The following PLXNA4 variants were observed in gnomAD, a reference collection of about 807,000 sequenced individuals.
The protein encoded by PLXNA4 is plexin-A4.
In PLXNA4, 44 loss-of-function variants were observed where a neutral mutation model predicts 191.8. That is an observed-to-expected ratio of 0.23 (90% CI 0.18 to 0.29). The LOEUF is 0.29. Among genes scored for constraint, PLXNA4 ranks in the 10% least tolerant of loss-of-function variants. The probability of loss-of-function intolerance (pLI) is 1.00; values close to 1 mark genes in which losing one functional copy is unlikely to be tolerated. For missense variants in PLXNA4, 1,800 were observed against 2,488.8 expected, an observed-to-expected ratio of 0.72 and a Z score of 5.89; for synonymous variants, 1,082 against 1,009.5, an observed-to-expected ratio of 1.07 and a Z score of -1.36.
rs6968906 is a variant in PLXNA4, at chr7:132,125,652, C to T, written c.*4827G>A. 103,696 of 151,824 alleles carry T rather than the reference C, an allele frequency of 0.68. 36,748 individuals are homozygous for T. Among genetic ancestry groups the T allele is most frequent in the East Asian group, 0.83 (4,262 of 5,142 alleles). 9.4% of individuals were successfully genotyped at this position (151,824 alleles called of 1,614,324 possible). On this transcript the variant is annotated 3_prime_UTR_variant, in exon 32 of 32. Coordinates refer to ENST00000321063, the MANE Select transcript of PLXNA4 (RefSeq NM_020911.2). ...AAAGGAAGAGGCTGAGGGTTCAAGG[C>T]CTCCCAGTCACCTGTCCTGAGAGCT...
rs142699847 is a variant in PLXNA4, at chr7:132,506,499, G to A, written c.1188+1007C>T. Among the ~76,000 whole-genome samples the A allele has an allele frequency of 8.6e-3, 1,315 of 152,258 alleles. 32 individuals are homozygous for A. The highest frequency in any genetic ancestry group is 0.03 in the African/African-American group (1,254 of 41,544). ...AGACTAGGTTCATAATCTTTAAAATGCACAGTTATAAAAGGAAAAGGACAA... is the reference window on the plus strand; with the variant it reads ...AGACTAGGTTCATAATCTTTAAAATACACAGTTATAAAAGGAAAAGGACAA... On this transcript the variant is annotated intron_variant, in intron 2 of 31. Coordinates refer to ENST00000321063, the MANE Select transcript of PLXNA4 (RefSeq NM_020911.2).
At chr7:132,443,501 C>T (rs780684674) in intron 3 of PLXNA4, among the ~76,000 whole-genome samples, 1 of 152,190 alleles carries the variant, frequency 6.6e-6, no homozygotes, top group African/African-American at 2.4e-5. Flanking sequence ...CTGCCCTCTC[C>T]TCCCAGATGT....
At chr7:132,284,004 T>A (rs902273434) in intron 4 of PLXNA4, among the ~76,000 whole-genome samples, 1 of 152,152 alleles carries the variant, frequency 6.6e-6, no homozygotes. Flanking sequence ...AGACCTCATC[T>A]CTACACAAAA....
chr7:132,430,717 C>T (rs535871650), intron 3 of PLXNA4, among the ~76,000 whole-genome samples: 2 of 152,218 alleles, frequency 1.3e-5, no homozygotes, highest in East Asian at 3.9e-4. Flanking sequence ...TTGTTGAGGG[C>T]CAAGAAAGTC....
At chr7:132,490,796 T>A (rs930000306) in intron 2 of PLXNA4, among the ~76,000 whole-genome samples, 1 of 152,308 alleles carries the variant, frequency 6.6e-6, no homozygotes, top group Non-Finnish European at 1.5e-5. Flanking sequence ...TCCTGTGAGA[T>A]ACTGACCCTG....
intron 2 of PLXNA4, among the ~76,000 whole-genome samples, chr7:132,496,884 C>T (rs1394258426): frequency 6.6e-6 from 1 of 152,204 alleles, no homozygotes; most frequent in African/African-American, 2.4e-5. Flanking sequence ...CAACTCTCCC[C>T]TCCCAAGGAG....
At chr7:132,248,121 A>T (rs17166285) in intron 4 of PLXNA4, among the ~76,000 whole-genome samples, 1,613 of 152,290 alleles carry the variant, frequency 0.011, 34 homozygotes, top group African/African-American at 0.036. Context: ...ATGCTTCCGA[A>T]GTGCTTATGT....
At chr7:132,468,082 A>AC (rs1455016863) in intron 3 of PLXNA4, among the ~76,000 whole-genome samples, 2 of 152,074 alleles carry the variant, frequency 1.3e-5, no homozygotes, top group Admixed American at 6.6e-5. Context: ...GTTGGAATAA[A>AC]CCCCCCAGTC....
rs116289989 is a variant in PLXNA4, at chr7:132,532,636, G to A, written c.-86-23857C>T. Among the ~76,000 whole-genome samples the A allele has an allele frequency of 1.6e-3, 240 of 152,016 alleles. 2 individuals are homozygous for A. The highest frequency in any genetic ancestry group is 5.5e-3 in the African/African-American group (229 of 41,468). ...TTCTCCTCTTTCCAAACCATTTGTCGTCTCTGATCATGCTACTCTGCTACT... is the reference window on the plus strand; with the variant it reads ...TTCTCCTCTTTCCAAACCATTTGTCATCTCTGATCATGCTACTCTGCTACT... On this transcript the variant is annotated intron_variant, in intron 1 of 31. Coordinates refer to ENST00000321063, the MANE Select transcript of PLXNA4 (RefSeq NM_020911.2).
intron 4 of PLXNA4, among the ~76,000 whole-genome samples, chr7:132,272,164 C>A (rs2116333773): frequency 6.6e-6 from 1 of 152,300 alleles, no homozygotes; most frequent in Non-Finnish European, 1.5e-5. Flanking sequence ...GGAATCATCG[C>A]AAACATGTTT....
chr7:132,144,950 T>C (rs1334608776), intron 29 of PLXNA4, among the ~76,000 whole-genome samples, 169 bp downstream of exon 29: 1 of 152,180 alleles, frequency 6.6e-6, no homozygotes, highest in East Asian at 1.9e-4. Context: ...CACAAAAATC[T>C]AGGAAGAGTG....
Position 132,510,536 on chromosome 7 carries a change from C to T in PLXNA4, c.-86-1757G>A, listed in dbSNP as rs113255793. Among the ~76,000 whole-genome samples, 258 of 152,308 alleles carry T rather than the reference C, an allele frequency of 1.7e-3. 2 individuals carry two copies. The highest frequency in any genetic ancestry group is 5.6e-3 in the African/African-American group (232 of 41,570). ...TGGGGCCCAAGGAGCAGATCCTCAA[C>T]GAATGCGTAGTCAAATCAGGCCGAT... On this transcript the variant is annotated intron_variant, in intron 1 of 31. Coordinates refer to ENST00000321063, the MANE Select transcript of PLXNA4 (RefSeq NM_020911.2).
intron 14 of PLXNA4, among the ~76,000 whole-genome samples, chr7:132,189,297 A>T (rs1420949661): frequency 6.6e-6 from 1 of 151,904 alleles, no homozygotes; most frequent in Non-Finnish European, 1.5e-5. Flanking sequence ...GAAGCTATTA[A>T]TTATTCAAGC....
intron 2 of PLXNA4, among the ~76,000 whole-genome samples, chr7:132,599,584 T>A (rs1467373463): frequency 6.6e-6 from 1 of 152,214 alleles, no homozygotes. Flanking sequence ...ATCTTTCATT[T>A]ATTCTAGTAG....
chr7:132,349,336 C>A (rs1049573470), intron 3 of PLXNA4, among the ~76,000 whole-genome samples: 1 of 152,036 alleles, frequency 6.6e-6, no homozygotes, highest in African/African-American at 2.4e-5. Flanking sequence ...GAAGAGGGAG[C>A]AACTGGGTCC....
At chr7:132,566,614 G>GA (rs997230290) in intron 1 of PLXNA4, among the ~76,000 whole-genome samples, 7 of 151,310 alleles carry the variant, frequency 4.6e-5, no homozygotes, top group Middle Eastern at 3.4e-3. Flanking sequence ...AGCAGTTGGA[G>GA]AAAAAAAAAT....
intron 3 of PLXNA4, among the ~76,000 whole-genome samples, chr7:132,363,510 G>GT (rs1348844381): frequency 4.6e-5 from 7 of 152,168 alleles, no homozygotes; most frequent in Non-Finnish European, 1.0e-4. Context: ...GTTGTAGCAC[G>GT]TATCGGCATT....
chr7:132,231,702 G>A (rs1347991458), intron 5 of PLXNA4, among the ~76,000 whole-genome samples: 1 of 152,246 alleles, frequency 6.6e-6, no homozygotes, highest in East Asian at 1.9e-4. Flanking sequence ...TGGGATTACA[G>A]GCGTGAGCCA....
intron 2 of PLXNA4, among the ~76,000 whole-genome samples, chr7:132,598,512 T>C (rs545581416): frequency 4.4e-4 from 66 of 151,174 alleles, no homozygotes; most frequent in African/African-American, 1.5e-3. Flanking sequence ...TAAAGTAACA[T>C]TTTAATTTGC....
Sources: gnomAD v4.1 joint callset for allele counts (sites outside exome capture counted in the v4.1 genomes callset) on GRCh38, gnomAD v4.1.1 for gene constraint, MANE v1.5 for transcripts, NCBI Gene and HGNC (gene_info 2026-07-23, HGNC 2026-07-21) for gene names.